Variants in SPPL3 observed in about 807,000 individuals in gnomAD.
The protein encoded by SPPL3 is signal peptide peptidase-like 3.
Under a neutral mutation model 42.4 loss-of-function variants are expected in SPPL3, and 5 were observed. The observed-to-expected ratio is 0.12, with a 90% confidence interval of 0.06 to 0.25. The LOEUF (loss-of-function observed/expected upper bound fraction) is 0.25. SPPL3 is among the 10% of genes least tolerant of loss of function. SPPL3 has a pLI of 1.00. For synonymous variants in SPPL3, 195 were observed against 181.8 expected, an observed-to-expected ratio of 1.07 and a Z score of -0.58; for missense variants, 235 against 489.0, an observed-to-expected ratio of 0.48 and a Z score of 4.90.
intron 6 of SPPL3, among the ~76,000 whole-genome samples, chr12:120,779,962 C>G (rs7305849): frequency 0.41 from 61,382 of 149,416 alleles, 14,136 homozygotes; most frequent in Admixed American, 0.56. Context: ...CGTGCCACTG[C>G]ACTCCAGCCT....
chr12:120,852,406 T>C (rs1395821208), intron 1 of SPPL3, among the ~76,000 whole-genome samples: 1 of 42,842 alleles, frequency 2.3e-5, no homozygotes, highest in Admixed American at 2.6e-4. Context: ...ATATGAAATA[T>C]ATGCATATAT....
chr12:120,809,688 C>A (rs6489782), intron 2 of SPPL3, among the ~76,000 whole-genome samples: 36,347 of 151,996 alleles, frequency 0.24, 5,527 homozygotes, highest in African/African-American at 0.42. Context: ...TATTTTCCCT[C>A]CTATTCCTAT....
At chr12:120,837,531 T>C (rs532105887) in intron 1 of SPPL3, among the ~76,000 whole-genome samples, 44 of 152,364 alleles carry the variant, frequency 2.9e-4, no homozygotes, top group African/African-American at 8.7e-4. Context: ...TTAAACATTT[T>C]TGAATTTTCT....
intron 1 of SPPL3, among the ~76,000 whole-genome samples, chr12:120,812,734 T>C (rs908436787): frequency 2.0e-5 from 3 of 152,206 alleles, no homozygotes; most frequent in African/African-American, 7.2e-5. Context: ...GAATTAAATG[T>C]GGCCTGAATT....
chr12:120,839,570 C>A (rs535242120), intron 1 of SPPL3, among the ~76,000 whole-genome samples: 1 of 152,144 alleles, frequency 6.6e-6, no homozygotes, highest in East Asian at 1.9e-4. Context: ...AAATTTAATT[C>A]TTTTTCTTTA....
At chr12:120,768,247 G>A (rs751395666) in intron 8 of SPPL3, 78 bp downstream of exon 8, 17 of 1,482,158 alleles carry the variant, frequency 1.1e-5, no homozygotes, top group Non-Finnish European at 1.5e-5. Context: ...GAATGCTGAT[G>A]ACATTAGAGA....
intron 1 of SPPL3, among the ~76,000 whole-genome samples, chr12:120,830,607 A>AGAGAGAG (rs1555251066): frequency 1.3e-4 from 5 of 39,970 alleles, no homozygotes; most frequent in African/African-American, 3.2e-4. Flanking sequence ...GAGAGAGAGA[A>AGAGAGAG]GGTGTACATG....
chr12:120,797,873 C>T (rs747337255), intron 2 of SPPL3, among the ~76,000 whole-genome samples: 2 of 152,148 alleles, frequency 1.3e-5, no homozygotes, highest in Non-Finnish European at 2.9e-5. Context: ...GAAAGACTTG[C>T]CCCTCTACTA....
chr12:120,861,182 C>T (rs899048325), intron 1 of SPPL3, among the ~76,000 whole-genome samples: 3 of 152,076 alleles, frequency 2.0e-5, no homozygotes, highest in Non-Finnish European at 2.9e-5. Context: ...AGAGACAGGG[C>T]CAACTGTTCT....
chr12:120,883,215 G>C (rs1341392528), intron 1 of SPPL3, among the ~76,000 whole-genome samples: 2 of 151,258 alleles, frequency 1.3e-5, no homozygotes, highest in African/African-American at 4.9e-5. Context: ...TGAGGCAGGA[G>C]AATGGCATGA....
chr12:120,789,824 C>CAAAAAAAAAAAAAAAAAAAAAAAAAAAA (rs3050392), intron 3 of SPPL3, among the ~76,000 whole-genome samples: 2 of 30,462 alleles, frequency 6.6e-5, no homozygotes, highest in African/African-American at 2.2e-4. Flanking sequence ...GACTCCGTCT[C>CAAAAAAAAAAAAAAAAAAAAAAAAAAAA]AAAAAAAAAA....
In SPPL3 at chr12:120,903,910, C is replaced by G; in HGVS notation, c.-43G>C. On this transcript the variant is annotated 5_prime_UTR_variant, in exon 1 of 11. Coordinates refer to ENST00000353487, the MANE Select transcript of SPPL3 (RefSeq NM_139015.5). Reference sequence around the variant, plus strand: ...GCTCCGCTGCAGGCTGTGGCCGGGCCCGGCGGCGGCGGGCTCGCTCGGGCC... The same window carrying G: ...GCTCCGCTGCAGGCTGTGGCCGGGCGCGGCGGCGGCGGGCTCGCTCGGGCC... The G allele has an allele frequency of 7.5e-7, 1 of 1,336,248 alleles. No homozygotes were observed. The highest frequency in any genetic ancestry group is 9.6e-7 in the Non-Finnish European group (1 of 1,045,722). 82.8% of individuals were successfully genotyped at this position (1,336,248 alleles called of 1,614,324 possible).
At chr12:120,783,824 C>T in intron 4 of SPPL3, 72 bp from the exon 5 acceptor site, 1 of 1,334,096 alleles carries the variant, frequency 7.5e-7, no homozygotes, top group Non-Finnish European at 1.1e-6. Context: ...AAACTTCATT[C>T]CGCCAAACAC....
At chr12:120,828,647 T>C (rs751848402) in intron 1 of SPPL3, among the ~76,000 whole-genome samples, 15 of 152,252 alleles carry the variant, frequency 9.9e-5, no homozygotes, top group Non-Finnish European at 1.5e-4. Flanking sequence ...ACAGTATTTA[T>C]AGTGTGAATT....
Position 120,876,600 on chromosome 12 carries a change from G to C in SPPL3, c.23+27245C>G, listed in dbSNP as rs1294581768. 1.1e-4 allele frequency among the ~76,000 whole-genome samples: 12 copies of C among 109,938 alleles called. 1 individual carries two copies. The highest frequency in any genetic ancestry group is 7.2e-3 in the Middle Eastern group (1 of 138). 72.1% of individuals were successfully genotyped at this position (109,938 alleles called of 152,430 possible). A position where few individuals can be genotyped will look rare whatever the true frequency, so the allele number is the denominator to read the frequency against. On this transcript the variant is annotated intron_variant, in intron 1 of 10. Coordinates refer to ENST00000353487, the MANE Select transcript of SPPL3 (RefSeq NM_139015.5). ...CCACTGCACTCCAGCCTGTGTGACA[G>C]AGCGAGACTCTGTCTCAAAAAAAAA...
At chr12:120,888,949 G>C (rs992792604) in intron 1 of SPPL3, among the ~76,000 whole-genome samples, 2 of 151,932 alleles carry the variant, frequency 1.3e-5, no homozygotes, top group African/African-American at 2.4e-5. Flanking sequence ...AAATAGCTGG[G>C]ATTACAGGTT....
intron 2 of SPPL3, among the ~76,000 whole-genome samples, chr12:120,794,077 TA>T (rs1253596248): frequency 6.6e-6 from 1 of 152,226 alleles, no homozygotes; most frequent in Non-Finnish European, 1.5e-5. Context: ...GAAGATCTTT[TA>T]TTAGATACAT....
At chr12:120,805,007 G>A (rs1177992455) in intron 2 of SPPL3, among the ~76,000 whole-genome samples, 1 of 152,134 alleles carries the variant, frequency 6.6e-6, no homozygotes, top group Non-Finnish European at 1.5e-5. Context: ...CCACTTATAC[G>A]AGAGGTCCAG....
intron 1 of SPPL3, 24 bp downstream of exon 1, chr12:120,903,821 G>C: frequency 7.5e-7 from 1 of 1,336,258 alleles, no homozygotes; most frequent in Non-Finnish European, 9.7e-7. Flanking sequence ...GCCGCCTCCC[G>C]GCCTCCCGGA....
Sources: allele counts gnomAD v4.1 joint callset (sites outside exome capture counted in the v4.1 genomes callset), GRCh38; gene constraint gnomAD v4.1.1; transcripts MANE v1.5; gene names NCBI Gene and HGNC (gene_info 2026-07-23, HGNC 2026-07-21).